The following TMEM230 variants were observed in gnomAD, a reference collection of about 807,000 sequenced individuals.
The protein encoded by TMEM230 is transmembrane protein 230, also known as UPF0414 transmembrane protein C20orf30.
Under a neutral mutation model 15.8 loss-of-function variants are expected in TMEM230, and 10 were observed. The ratio of observed to expected loss-of-function variants is 0.63; its 90% CI spans 0.39 to 1.07. The LOEUF is 1.07. TMEM230 is among the 50% of genes least tolerant of loss of function. The pLI, the probability that TMEM230 is intolerant of heterozygous loss-of-function variation, is 0.01. For missense variants in TMEM230, 165 were observed against 193.3 expected (o/e 0.85, Z 0.87); for synonymous variants, 67 against 76.9 (o/e 0.87, Z 0.68).
chr20:5,067,659 G>C (rs1260532592), downstream of TMEM230, among the ~76,000 whole-genome samples: 3 of 150,290 alleles, frequency 2.0e-5, no homozygotes, highest in Admixed American at 2.0e-4. Context: ...GGCCAGGCTG[G>C]TCTCGAACTC....
Position 5,100,880 on chromosome 20 carries a change from G to T in TMEM230, c.463C>A (p.Pro155Thr), listed in dbSNP as rs1358411143. The change falls in exon 5 of 5, where the codon CCC (proline) becomes ACC (threonine). Residue 155 changes from proline to threonine, a missense_variant. By Grantham distance (38) the Pro-to-Thr change is conservative (BLOSUM62 -1). Coordinates refer to ENST00000342308, the MANE Select transcript of TMEM230 (RefSeq NM_001009923.2). ...GCGATGCGCAGGTGGTAAAATCCGG[G>T]TAGGAACACCAGAATGCCAATGATC... 6.2e-7 allele frequency: 1 copy of T among 1,614,082 alleles called. No individual in the cohort carries two copies. The highest frequency in any genetic ancestry group is 1.7e-5 in the Admixed American group (1 of 60,004).
At chr20:5,109,558 C>T (rs2090231441) in intron 2 of TMEM230, 113 bp from the exon 2 acceptor site, 1 of 816,946 alleles carries the variant, frequency 1.2e-6, no homozygotes, top group Non-Finnish European at 2.0e-6. Flanking sequence ...GCTGCCATGT[C>T]AGACTAGCAA....
At chr20:5,076,089 A>G (rs971316870) in intron 3 of TMEM230, among the ~76,000 whole-genome samples, 1 of 151,868 alleles carries the variant, frequency 6.6e-6, no homozygotes, top group Non-Finnish European at 1.5e-5. Context: ...AACCTGGGCA[A>G]CAGAGCAAGA....
intron 3 of TMEM230, among the ~76,000 whole-genome samples, chr20:5,072,791 G>A (rs2088868770): frequency 7.0e-6 from 1 of 142,634 alleles, no homozygotes; most frequent in African/African-American, 2.6e-5. Context: ...GGAGGTTGCA[G>A]TGAGCCGAGA....
chr20:5,068,901 G>A (rs1331735162), exon 4 of TMEM230: 1 of 331,522 alleles, frequency 3.0e-6, no homozygotes, highest in African/African-American at 2.2e-5. Context: ...GGTATGAAGG[G>A]GACAGGAATC....
intron 4 of TMEM230, among the ~76,000 whole-genome samples, chr20:5,105,705 T>A (rs1568504182): frequency 6.6e-6 from 1 of 151,902 alleles, no homozygotes; most frequent in Non-Finnish European, 1.5e-5. Context: ...ACCTCATGTA[T>A]CCCCTAAGTA....
the TMEM230 span, among the ~76,000 whole-genome samples, chr20:5,059,348 T>G: frequency 2.6e-5 from 4 of 152,106 alleles, no homozygotes; most frequent in Non-Finnish European, 2.9e-5. Context: ...AAAAAAATTC[T>G]CAACAACAAA....
At chr20:5,084,068 CTGAAGGTTT>C (rs1301373180) in intron 3 of TMEM230, among the ~76,000 whole-genome samples, 1 of 152,062 alleles carries the variant, frequency 6.6e-6, no homozygotes. Flanking sequence ...CCCACGTGTG[CTGAAGGTTT>C]AGCTCCTGCT....
At chr20:5,085,289 CT>C (rs1168054615) in intron 3 of TMEM230, among the ~76,000 whole-genome samples, 2 of 150,618 alleles carry the variant, frequency 1.3e-5, no homozygotes, top group African/African-American at 2.4e-5. Flanking sequence ...TTTTGTTTTT[CT>C]TTTTTTCTTT....
chr20:5,063,826 A>T (rs2088628517), downstream of TMEM230, among the ~76,000 whole-genome samples: 2 of 152,226 alleles, frequency 1.3e-5, no homozygotes, highest in Non-Finnish European at 2.9e-5. Context: ...AAAATTTCTA[A>T]ATGATTCTTG....
intron 3 of TMEM230, among the ~76,000 whole-genome samples, chr20:5,081,229 C>T (rs1292305126): frequency 1.3e-5 from 2 of 152,150 alleles, no homozygotes; most frequent in Non-Finnish European, 2.9e-5. Flanking sequence ...TGCATCTTAT[C>T]CCCTCCCCTA....
chr20:5,106,428 A>T, intron 3 of TMEM230, 118 bp from the exon 3 acceptor site: 1 of 1,285,688 alleles, frequency 7.8e-7, no homozygotes, highest in African/African-American at 1.5e-5. Context: ...TTTGAGATGG[A>T]GTTTCGTTCT....
intron 3 of TMEM230, among the ~76,000 whole-genome samples, chr20:5,075,129 G>A (rs913862041): frequency 1.3e-4 from 19 of 150,534 alleles, no homozygotes; most frequent in African/African-American, 3.9e-4. Flanking sequence ...GCAATGGCAC[G>A]ATCTCGGCTC....
chr20:5,065,207 C>G (rs1161999076), downstream of TMEM230, among the ~76,000 whole-genome samples: 1 of 151,902 alleles, frequency 6.6e-6, no homozygotes, highest in Non-Finnish European at 1.5e-5. Flanking sequence ...ATCACCTGAG[C>G]TCGAGTTTGA....
the TMEM230 span, among the ~76,000 whole-genome samples, chr20:5,060,773 C>T: frequency 6.6e-6 from 1 of 151,986 alleles, no homozygotes; most frequent in Non-Finnish European, 1.5e-5. Flanking sequence ...TATCAATTTT[C>T]CTTTTGGGGG....
chr20:5,096,200 C>T (rs1200365706), downstream of TMEM230, among the ~76,000 whole-genome samples: 1 of 152,250 alleles, frequency 6.6e-6, no homozygotes, highest in East Asian at 1.9e-4. Context: ...CTCTTCCCTC[C>T]ACCTCTGCCT....
intron 3 of TMEM230, among the ~76,000 whole-genome samples, chr20:5,081,393 T>C (rs1374082970): frequency 6.6e-6 from 1 of 152,074 alleles, no homozygotes; most frequent in Non-Finnish European, 1.5e-5. Flanking sequence ...GGCAAGACAG[T>C]GAAAAGGCTA....
At chr20:5,062,425 T>A in the TMEM230 span, among the ~76,000 whole-genome samples, 39 of 150,778 alleles carry the variant, frequency 2.6e-4, 1 homozygote, top group East Asian at 7.4e-3. Context: ...GAGACCTGGA[T>A]GCCCATGGTA....
At chr20:5,099,519 A>T (rs1189385197), downstream of TMEM230, among the ~76,000 whole-genome samples, 3 of 151,938 alleles carry the variant, frequency 2.0e-5, no homozygotes, top group Non-Finnish European at 4.4e-5. Flanking sequence ...GTGATCTCAA[A>T]CAGCCCTCTA....
Sources: allele counts gnomAD v4.1 joint callset (sites outside exome capture counted in the v4.1 genomes callset), GRCh38; gene constraint gnomAD v4.1.1; transcripts MANE v1.5; gene names NCBI Gene and HGNC (gene_info 2026-07-23, HGNC 2026-07-21).